Variants in OTOG observed in about 807,000 individuals in gnomAD.
OTOG encodes otogelin.
In OTOG, 296 loss-of-function variants were observed where a neutral mutation model predicts 313.8. The ratio of observed to expected loss-of-function variants is 0.94; its 90% CI spans 0.86 to 1.04. The LOEUF (loss-of-function observed/expected upper bound fraction) is 1.04, where lower values mean the gene tolerates loss of function less well. Among genes scored for constraint, OTOG ranks in the 50% least tolerant of loss-of-function variants. OTOG has a pLI of 0.00. For synonymous variants in OTOG, 1,533 were observed against 1,554.9 expected (o/e 0.99, Z 0.33); for missense variants, 3,948 against 3,840.1 (o/e 1.03, Z -0.74).
At chr11:17,641,210 G>A (rs960080755) in intron 51 of OTOG, 119 bp downstream of exon 51, 6 of 1,145,040 alleles carry the variant, frequency 5.2e-6, no homozygotes, top group African/African-American at 1.5e-5. Flanking sequence ...ACAAGTCAGA[G>A]GGGCCCTCAG....
At chr11:17,562,180 G>A (rs1368297638) in intron 15 of OTOG, among the ~76,000 whole-genome samples, 1 of 145,704 alleles carries the variant, frequency 6.9e-6, no homozygotes, top group Non-Finnish European at 1.5e-5. Context: ...GGAGCTTGCA[G>A]TGAGCCGAGA....
chr11:17,549,460 C>T (rs1385536264), intron 3 of OTOG, among the ~76,000 whole-genome samples: 2 of 152,190 alleles, frequency 1.3e-5, no homozygotes, highest in Non-Finnish European at 2.9e-5. Flanking sequence ...CTTCTTTGCC[C>T]ACACTTCCAG....
chr11:17,634,718 C>G, intron 44 of OTOG, 126 bp from the exon 45 acceptor site: 2 of 744,826 alleles, frequency 2.7e-6, no homozygotes. Context: ...GAGTATGGGT[C>G]CTGGGGGCTG....
At chr11:17,621,662 C>T (rs1853867852) in intron 39 of OTOG, among the ~76,000 whole-genome samples, 1 of 152,146 alleles carries the variant, frequency 6.6e-6, no homozygotes. Flanking sequence ...GAATGTCTAT[C>T]TCTTGTCTTC....
intron 15 of OTOG, among the ~76,000 whole-genome samples, chr11:17,567,488 T>A (rs1852313221): frequency 6.6e-6 from 1 of 152,244 alleles, no homozygotes; most frequent in East Asian, 1.9e-4. Context: ...TACCTACCTC[T>A]TGAACTTTTT....
At position 17,630,170 on chromosome 11, in the gene OTOG, C is replaced by T. The variant is rs932258646; in HGVS notation, c.6712+854C>T. On this transcript the variant is annotated intron_variant, in intron 40 of 55. Transcript: ENST00000399397. ...CATGTACCAGTCGCTGGGGACAAAA[C>T]AGTGAACAAAACAGACAAAATCCCT... Among the ~76,000 whole-genome samples, 4 of 152,204 alleles carry T rather than the reference C, an allele frequency of 2.6e-5. No homozygotes were observed. In the East Asian group the frequency reaches 7.7e-4, roughly 29 times the overall value.
chr11:17,600,462 A>G (rs945655766), intron 31 of OTOG, among the ~76,000 whole-genome samples: 1 of 152,200 alleles, frequency 6.6e-6, no homozygotes, highest in East Asian at 1.9e-4. Flanking sequence ...GAGCAGGCCT[A>G]TGTGGGCAGA....
At chr11:17,617,994 G>A (rs1445579942) in intron 39 of OTOG, among the ~76,000 whole-genome samples, 7 of 151,590 alleles carry the variant, frequency 4.6e-5, no homozygotes, top group Admixed American at 3.3e-4. Context: ...CTCACTGCAA[G>A]CTCTGCCTCC....
chr11:17,561,485 C>T (rs1852181510), intron 14 of OTOG, among the ~76,000 whole-genome samples, 177 bp from the exon 15 acceptor site: 1 of 152,158 alleles, frequency 6.6e-6, no homozygotes, highest in South Asian at 2.1e-4. Flanking sequence ...TCAAGGAGTT[C>T]TCTGGGGACA....
chr11:17,613,792 C>A, intron 39 of OTOG, 91 bp downstream of exon 39: 85 of 844,694 alleles, frequency 1.0e-4, no homozygotes, highest in Non-Finnish European at 1.3e-4. Context: ...GAGGCTGAAT[C>A]ATGATTCAGG....
rs1428788566 is a variant in OTOG at position 17,555,904 on chromosome 11, C to CT, written c.659+8dup. 6 of 1,542,092 alleles carry CT rather than the reference C, an allele frequency of 3.9e-6. No homozygotes were observed. Among genetic ancestry groups the CT allele is most frequent in the Non-Finnish European group, 5.3e-6 (6 of 1,139,074 alleles). On this transcript the variant is annotated splice_region_variant and intron_variant, in intron 7 of 55. Transcript: ENST00000399397. ...TCACCCATGGAGGCATGAGGTAACTCTAACACCTTCCACATCGAGCTGTCC... is the reference window on the plus strand; with the variant it reads ...TCACCCATGGAGGCATGAGGTAACTCTTAACACCTTCCACATCGAGCTGTCC...
chr11:17,589,148 G>A (rs1461605279), intron 24 of OTOG, among the ~76,000 whole-genome samples: 1 of 152,098 alleles, frequency 6.6e-6, no homozygotes, highest in Non-Finnish European at 1.5e-5. Flanking sequence ...GCAGCTGAAT[G>A]TGACTGGAGG....
chr11:17,591,525 T>G lies in OTOG; in HGVS notation c.2943T>G (p.His981Gln), dbSNP rs1477194405. Residue 981 changes from histidine (H) to glutamine (Q), a missense_variant, in exon 25 of 56, where the codon CAT becomes CAG. Physicochemically the swap from His to Gln is conservative, Grantham distance 24. Coordinates refer to ENST00000399397, the MANE Select transcript of OTOG (RefSeq NM_001292063.2). ...CCTGCACTGCCTATGGGGACCGGCA[T>G]TACCGCACGTTTGATGGGCTCCCGT... ...ASTCTAYGDR[H>Q]YRTFDGLPFD... 5.2e-6 allele frequency: 8 copies of G among 1,550,580 alleles called. No homozygotes were observed. The highest frequency in any genetic ancestry group is 1.4e-5 in the African/African-American group (1 of 73,070).
intron 23 of OTOG, among the ~76,000 whole-genome samples, chr11:17,585,730 C>A (rs1565104190): frequency 6.6e-6 from 1 of 152,148 alleles, no homozygotes; most frequent in East Asian, 1.9e-4. Context: ...CCAGAAAGTG[C>A]TTCCAGGCAG....
At chr11:17,563,839 C>G (rs911011678) in intron 15 of OTOG, among the ~76,000 whole-genome samples, 3 of 151,322 alleles carry the variant, frequency 2.0e-5, no homozygotes, top group Non-Finnish European at 4.4e-5. Flanking sequence ...TGCCACCACA[C>G]CTGGCTAGTT....
At chr11:17,574,402 G>A (rs1263912874) in intron 19 of OTOG, among the ~76,000 whole-genome samples, 1 of 152,108 alleles carries the variant, frequency 6.6e-6, no homozygotes, top group Non-Finnish European at 1.5e-5. Flanking sequence ...TTAGCAGGTG[G>A]TGATCTCTAC....
chr11:17,596,017 A>C, intron 28 of OTOG, 21 bp from the exon 29 acceptor site: 1 of 1,521,670 alleles, frequency 6.6e-7, no homozygotes, highest in Non-Finnish European at 8.9e-7. Flanking sequence ...GGAGGTCAAC[A>C]GCCCTGCCTT....
intron 23 of OTOG, among the ~76,000 whole-genome samples, chr11:17,579,090 T>C (rs375513717): frequency 1.7e-3 from 256 of 152,292 alleles, no homozygotes; most frequent in Non-Finnish European, 2.7e-3. Flanking sequence ...GTGGGCTCTG[T>C]ACACCGACGT....
intron 33 of OTOG, 50 bp downstream of exon 33, chr11:17,606,185 C>G: frequency 6.8e-7 from 1 of 1,481,434 alleles, no homozygotes; most frequent in Non-Finnish European, 9.0e-7. Context: ...TCTCAGTCCA[C>G]TGCTCTTCCC....
Sources: gnomAD v4.1 joint callset for allele counts (sites outside exome capture counted in the v4.1 genomes callset) on GRCh38, gnomAD v4.1.1 for gene constraint, MANE v1.5 for transcripts, NCBI Gene and HGNC (gene_info 2026-07-23, HGNC 2026-07-21) for gene names.